The following TCF12 variants were observed in gnomAD, a reference collection of about 807,000 sequenced individuals.
The protein encoded by TCF12 is DNA-binding protein HTF4.
In TCF12, 45 loss-of-function variants were observed where a neutral mutation model predicts 86.0. That is an observed-to-expected ratio of 0.52 (90% CI 0.41 to 0.67). The LOEUF is 0.67. Among genes scored for constraint, TCF12 ranks in the 30% least tolerant of loss-of-function variants. TCF12 has a pLI of 0.00. For missense variants in TCF12, 881 were observed against 859.9 expected, an observed-to-expected ratio of 1.02 and a Z score of -0.31; for synonymous variants, 330 against 299.6, an observed-to-expected ratio of 1.10 and a Z score of -1.05.
intron 6 of TCF12, among the ~76,000 whole-genome samples, chr15:57,182,165 A>G (rs1209854140): frequency 2.0e-5 from 3 of 152,204 alleles, no homozygotes; most frequent in Admixed American, 6.5e-5. Flanking sequence ...GTAGTAATCA[A>G]TAATGCTTCT....
At chr15:56,990,034 ACTTTTT>A (rs1283632384) in intron 3 of TCF12, among the ~76,000 whole-genome samples, 4 of 152,100 alleles carry the variant, frequency 2.6e-5, no homozygotes, top group Non-Finnish European at 1.5e-5. Context: ...GAAATGTCTT[ACTTTTT>A]CTTGTTTTAG....
At chr15:57,273,545 T>G (rs972805327) in intron 19 of TCF12, among the ~76,000 whole-genome samples, 5 of 152,088 alleles carry the variant, frequency 3.3e-5, no homozygotes, top group Admixed American at 6.6e-5. Context: ...TGTGTCTCTT[T>G]GCTCTGGTTG....
At chr15:57,251,914 A>G (rs1326802356) in intron 14 of TCF12, among the ~76,000 whole-genome samples, 1 of 152,196 alleles carries the variant, frequency 6.6e-6, no homozygotes, top group Non-Finnish European at 1.5e-5. Context: ...TGGAAAAAAA[A>G]GTATATTGTG....
intron 8 of TCF12, among the ~76,000 whole-genome samples, chr15:57,211,815 G>A (rs750347911): frequency 6.6e-6 from 1 of 152,208 alleles, no homozygotes; most frequent in African/African-American, 2.4e-5. Flanking sequence ...TTAGCAGGGT[G>A]TGGTAGCACA....
Position 57,232,772 on chromosome 15 carries a change from A to G in TCF12, c.886A>G (p.Ser296Gly), listed in dbSNP as rs1342427392. The change falls in exon 11 of 21, where the codon AGC becomes GGC. Residue 296 changes from serine (S) to glycine (G), a missense_variant. Transcript: ENST00000333725. ...DINTSLPPMS[S>G]FHRGSTSSSP... ...AAACACGAGTCTTCCACCAATGTCC[A>G]GCTTTCATCGCGGCAGTACCAGCAG... is the stretch of plus-strand genomic sequence containing the variant. 1 of 1,612,604 alleles carries G rather than the reference A, an allele frequency of 6.2e-7. No individual in the cohort carries two copies. The highest frequency in any genetic ancestry group is 1.3e-5 in the African/African-American group (1 of 74,742).
At chr15:56,937,302 G>A (rs535628951) in intron 3 of TCF12, among the ~76,000 whole-genome samples, 1 of 151,658 alleles carries the variant, frequency 6.6e-6, no homozygotes. Flanking sequence ...TAGAGCTACT[G>A]ATTTGTATAC....
chr15:57,083,841 A>G (rs374461733), intron 4 of TCF12, among the ~76,000 whole-genome samples: 1 of 152,182 alleles, frequency 6.6e-6, no homozygotes, highest in Non-Finnish European at 1.5e-5. Flanking sequence ...TCGGCTTCCC[A>G]AAGTATTGGG....
chr15:57,166,607 C>G (rs544393602), intron 6 of TCF12, 141 bp downstream of exon 6: 2 of 665,618 alleles, frequency 3.0e-6, no homozygotes, highest in Non-Finnish European at 4.5e-6. Flanking sequence ...TTTTTGCTCT[C>G]TTTGCTTAAA....
At chr15:57,213,567 G>A (rs1417031796) in intron 8 of TCF12, among the ~76,000 whole-genome samples, 1 of 152,164 alleles carries the variant, frequency 6.6e-6, no homozygotes, top group Non-Finnish European at 1.5e-5. Context: ...GGGCTAAGAT[G>A]CAGATGTTAA....
chr15:57,209,956 G>C (rs1442131328), intron 8 of TCF12, among the ~76,000 whole-genome samples: 1 of 152,086 alleles, frequency 6.6e-6, no homozygotes, highest in Admixed American at 6.5e-5. Context: ...CAAATGGCTA[G>C]TTTTCTCTTT....
At position 57,234,050 on chromosome 15, in the gene TCF12, A is replaced by T. The variant is rs776736831; in HGVS notation, c.978A>T (p.Arg326Ser). 2.5e-5 allele frequency: 41 copies of T among 1,613,186 alleles called. No individual in the cohort carries two copies. The highest frequency in any genetic ancestry group is 3.2e-5 in the Non-Finnish European group (38 of 1,179,426). The stretch of plus-strand genomic sequence containing the variant: ...TCTCTATGAAATATCCAGGAACCAG[A>T]GGGAATGCTGCTGGAAGCTCACAGA... ...INGSDSILGTRGNAAGSSQTG... is the reference protein window; with the variant it reads ...INGSDSILGTSGNAAGSSQTG... Residue 326 changes from arginine (R) to serine (S), a missense_variant, in exon 12 of 21, where the codon AGA (arginine) becomes AGT (serine). Physicochemically the swap from Arg to Ser is moderately radical, Grantham distance 110. This residue lies in a region of TCF12 where 766 missense variants were observed against 718.9 expected (regional missense o/e 1.07). Transcript: ENST00000333725.
intron 3 of TCF12, among the ~76,000 whole-genome samples, chr15:57,008,144 T>TC (rs2064583842): frequency 6.7e-6 from 1 of 150,250 alleles, no homozygotes; most frequent in Admixed American, 6.7e-5. Context: ...TTTTTTTTTT[T>TC]CCCTGTAGAG....
At chr15:57,008,705 C>A (rs2064635653) in intron 3 of TCF12, among the ~76,000 whole-genome samples, 1 of 152,188 alleles carries the variant, frequency 6.6e-6, no homozygotes, top group Non-Finnish European at 1.5e-5. Flanking sequence ...TCTCTACAGT[C>A]ATTTCCATTC....
intron 5 of TCF12, among the ~76,000 whole-genome samples, chr15:57,140,909 G>A (rs537837530): frequency 6.6e-6 from 1 of 151,902 alleles, no homozygotes; most frequent in African/African-American, 2.4e-5. Context: ...TTACATCTCT[G>A]TCAAGGTATT....
intron 13 of TCF12, among the ~76,000 whole-genome samples, chr15:57,250,883 G>C (rs1566986322): frequency 6.7e-6 from 1 of 149,932 alleles, no homozygotes; most frequent in African/African-American, 2.5e-5. Context: ...GCGACAGTGA[G>C]ACTCCATCTC....
At chr15:57,229,404 G>C (rs1339884636) in intron 8 of TCF12, among the ~76,000 whole-genome samples, 1 of 151,634 alleles carries the variant, frequency 6.6e-6, no homozygotes, top group Non-Finnish European at 1.5e-5. Flanking sequence ...TGATTCTTGG[G>C]AATATACTGT....
chr15:57,112,163 C>T (rs1388971958), intron 5 of TCF12, among the ~76,000 whole-genome samples: 2 of 152,200 alleles, frequency 1.3e-5, no homozygotes, highest in Non-Finnish European at 2.9e-5. Context: ...CATGAGCCTG[C>T]TGACAGCTGA....
intron 10 of TCF12, 80 bp downstream of exon 10, chr15:57,232,510 T>A (rs967180506): frequency 6.6e-7 from 1 of 1,516,334 alleles, no homozygotes; most frequent in Non-Finnish European, 8.8e-7. Flanking sequence ...GTGTAAAATC[T>A]AAGTCTGCCA....
At chr15:57,020,931 G>C (rs916264093) in intron 3 of TCF12, among the ~76,000 whole-genome samples, 5 of 152,048 alleles carry the variant, frequency 3.3e-5, no homozygotes, top group Admixed American at 2.6e-4. Context: ...GAGTAACAAG[G>C]TTTAATTTTT....
Sources: allele counts gnomAD v4.1 joint callset (sites outside exome capture counted in the v4.1 genomes callset), GRCh38; gene constraint gnomAD v4.1.1; regional missense constraint gnomAD v4.1.1; transcripts MANE v1.5; gene names NCBI Gene and HGNC (gene_info 2026-07-23, HGNC 2026-07-21).